DNAH7: variants seen among roughly 807,000 people sequenced by gnomAD.
DNAH7 encodes the protein axonemal beta dynein heavy chain 7.
DNAH7 carries 397 observed loss-of-function variants against 444.6 expected under a neutral mutation model. The observed-to-expected ratio is 0.89, with a 90% CI of 0.82 to 0.97. The LOEUF is 0.97. Among genes scored for constraint, DNAH7 ranks in the 50% least tolerant of loss-of-function variants. The pLI, the probability that DNAH7 is intolerant of heterozygous loss-of-function variation, is 0.00. For synonymous variants in DNAH7, 1,636 were observed against 1,624.4 expected, an observed-to-expected ratio of 1.01 and a Z score of -0.17; for missense variants, 4,902 against 4,800.8, an observed-to-expected ratio of 1.02 and a Z score of -0.62.
In DNAH7 at chr2:195,966,764, C is replaced by T. The variant is rs180706879; in HGVS notation, c.2205+3184G>A. 3.3e-5 allele frequency among the ~76,000 whole-genome samples: 5 copies of T among 152,160 alleles called. No homozygotes were observed. The East Asian group carries it at 9.6e-4, about 29-fold the overall frequency. On this transcript the variant is annotated intron_variant, in intron 17 of 64. Coordinates refer to ENST00000312428, the MANE Select transcript of DNAH7 (RefSeq NM_018897.3). ...TTTGCCTGATACAAGCATTGTTACT[C>T]CTGGTAATTTTTTGTTCCCATTGGC...
At position 196,020,070 on chromosome 2, in the gene DNAH7, G is replaced by C. The variant is rs1391087046; in HGVS notation, c.744-775C>G. Among the ~76,000 whole-genome samples the C allele has an allele frequency of 2.0e-5, 3 of 151,634 alleles. No individual in the cohort carries two copies. The South Asian group carries it at 6.3e-4, about 32-fold the overall frequency. ...TTACGATGATCCACTTCTACTTTATGAATAGTAAATATATTTTCTCTTTCT... is the reference window on the plus strand; with the variant it reads ...TTACGATGATCCACTTCTACTTTATCAATAGTAAATATATTTTCTCTTTCT... On this transcript the variant is annotated intron_variant, in intron 8 of 64. Transcript: ENST00000312428.
chr2:195,983,021 C>T (rs867875600), intron 15 of DNAH7, among the ~76,000 whole-genome samples: 2 of 151,918 alleles, frequency 1.3e-5, no homozygotes, highest in South Asian at 4.2e-4. Context: ...GCTTGAGGTG[C>T]CAGATACCCC....
intron 54 of DNAH7, among the ~76,000 whole-genome samples, chr2:195,803,527 G>T (rs1371904382): frequency 6.6e-6 from 1 of 152,228 alleles, no homozygotes; most frequent in African/African-American, 2.4e-5. Context: ...TATTCAGTTT[G>T]CAAGGCAACA....
rs529626581 is a variant in DNAH7, at chr2:195,933,570, T to C, written c.3471+1021A>G. 1.9e-4 allele frequency among the ~76,000 whole-genome samples: 29 copies of C among 152,050 alleles called. No individual in the cohort carries two copies. In the East Asian group the frequency reaches 4.8e-3, roughly 25 times the overall value. On this transcript the variant is annotated intron_variant, in intron 21 of 64. Coordinates refer to ENST00000312428, the MANE Select transcript of DNAH7 (RefSeq NM_018897.3). ...TACACTATGGAATACTATGCAGCCA[T>C]AGAAAAGGATGAGTTCATGTCCTTT...
Position 195,923,782 on chromosome 2 carries a change from C to T in DNAH7, c.3638G>A (p.Cys1213Tyr). The part of the protein sequence containing the change: ...IKALEQYLKT[C>Y]NRQIDDIVTL... ...GACAATATCATCAATTTGTCTGTTA[C>T]ATGTTTTCAAGTATTGCTCAAGAGC... The change falls in exon 23 of 65, where the codon TGT becomes TAT. Residue 1213 changes from cysteine (C) to tyrosine (Y), a missense_variant. By Grantham distance (194) the Cys-to-Tyr change is radical. Coordinates refer to ENST00000312428, the MANE Select transcript of DNAH7 (RefSeq NM_018897.3). 1 of 1,614,108 alleles carries T rather than the reference C, an allele frequency of 6.2e-7. No individual in the cohort carries two copies. Among genetic ancestry groups the T allele is most frequent in the Non-Finnish European group, 8.5e-7 (1 of 1,180,012 alleles).
intron 59 of DNAH7, among the ~76,000 whole-genome samples, chr2:195,776,551 C>T (rs1695073226): frequency 6.6e-6 from 1 of 151,940 alleles, no homozygotes; most frequent in African/African-American, 2.4e-5. Context: ...ATCCTGGTAA[C>T]TTCATTTAGA....
At position 195,745,350 on chromosome 2, in the gene DNAH7, T is replaced by C. The variant is rs1299425059; in HGVS notation, c.11765-4481A>G. On this transcript the variant is annotated intron_variant, in intron 63 of 64. Coordinates refer to ENST00000312428, the MANE Select transcript of DNAH7 (RefSeq NM_018897.3). The stretch of plus-strand genomic sequence containing the variant: ...AACAAAGCCTCCAAGAAATATGGGA[T>C]TATGTGAAAAGACCAAATCTACGTC... Among the ~76,000 whole-genome samples the C allele has an allele frequency of 5.3e-5, 8 of 152,150 alleles. No homozygotes were observed. The South Asian group carries it at 1.0e-3, about 20-fold the overall frequency.
intron 8 of DNAH7, among the ~76,000 whole-genome samples, chr2:196,021,043 A>G (rs951433535): frequency 6.6e-6 from 1 of 152,212 alleles, no homozygotes; most frequent in African/African-American, 2.4e-5. Context: ...TACAGCAAGG[A>G]GATTTTCCCA....
chr2:195,981,867 G>A (rs1214212775), intron 15 of DNAH7, among the ~76,000 whole-genome samples: 2 of 152,040 alleles, frequency 1.3e-5, no homozygotes, highest in Non-Finnish European at 2.9e-5. Flanking sequence ...ACTGCCACAA[G>A]GAAACATTGG....
chr2:195,771,629 TG>T (rs1156559094), intron 61 of DNAH7, 30 bp downstream of exon 61: 11 of 1,486,298 alleles, frequency 7.4e-6, no homozygotes, highest in Non-Finnish European at 1.0e-5. Flanking sequence ...TATAATTTAA[TG>T]GGGGTTTTTT....
At chr2:195,838,750 T>C (rs1343357488) in intron 47 of DNAH7, among the ~76,000 whole-genome samples, 1 of 151,874 alleles carries the variant, frequency 6.6e-6, no homozygotes, top group Non-Finnish European at 1.5e-5. Flanking sequence ...GTAAAAGATA[T>C]ACCATGAAAA....
chr2:196,031,516 G>T (rs185784629), intron 5 of DNAH7, among the ~76,000 whole-genome samples: 5 of 151,980 alleles, frequency 3.3e-5, no homozygotes, highest in African/African-American at 1.2e-4. Context: ...CTATCGTATC[G>T]TCAGGCTGCA....
chr2:195,810,270 C>T (rs1696903852), intron 51 of DNAH7, among the ~76,000 whole-genome samples: 1 of 152,056 alleles, frequency 6.6e-6, no homozygotes, highest in Non-Finnish European at 1.5e-5. Flanking sequence ...AAATTAGTAG[C>T]TTCTTTATTA....
intron 61 of DNAH7, 95 bp from the exon 62 acceptor site, chr2:195,756,380 G>GTTTA: frequency 8.9e-7 from 1 of 1,120,150 alleles, no homozygotes; most frequent in Non-Finnish European, 1.2e-6. Flanking sequence ...ATTATCCTTT[G>GTTTA]TTTACATTGT....
At chr2:195,854,091 C>A (rs1400287626) in intron 45 of DNAH7, among the ~76,000 whole-genome samples, 1 of 151,992 alleles carries the variant, frequency 6.6e-6, no homozygotes, top group Non-Finnish European at 1.5e-5. Flanking sequence ...AGACTGTCAA[C>A]CAAATGTGAT....
intron 18 of DNAH7, among the ~76,000 whole-genome samples, chr2:195,958,788 A>G (rs1225097707): frequency 1.3e-5 from 2 of 152,160 alleles, no homozygotes; most frequent in Non-Finnish European, 2.9e-5. Flanking sequence ...TGTCAACCCT[A>G]TGAGGTAAGG....
intron 36 of DNAH7, among the ~76,000 whole-genome samples, chr2:195,878,758 T>C (rs912507657): frequency 3.9e-5 from 6 of 152,094 alleles, no homozygotes; most frequent in African/African-American, 1.4e-4. Context: ...GTAATTAATA[T>C]AAAAAACTTC....
chr2:195,859,513 T>A (rs1006881325), intron 42 of DNAH7, among the ~76,000 whole-genome samples: 14 of 152,302 alleles, frequency 9.2e-5, no homozygotes, highest in Admixed American at 4.6e-4. Context: ...AATTTCATTT[T>A]AAAATACTTG....
intron 53 of DNAH7, among the ~76,000 whole-genome samples, chr2:195,808,204 T>A (rs1696798171): frequency 6.6e-6 from 1 of 152,202 alleles, no homozygotes. Context: ...ACTGTGAATA[T>A]TATGTCTGTG....
Sources: allele counts gnomAD v4.1 joint callset (sites outside exome capture counted in the v4.1 genomes callset), GRCh38; gene constraint gnomAD v4.1.1; transcripts MANE v1.5; gene names NCBI Gene and HGNC (gene_info 2026-07-23, HGNC 2026-07-21).